The following GRM8 variants were observed in gnomAD, a reference collection of about 807,000 sequenced individuals.
GRM8 encodes glutamate metabotropic receptor 8.
A neutral mutation model predicts 87.2 loss-of-function variants in GRM8; 47 were observed. The ratio of observed to expected loss-of-function variants is 0.54; its 90% CI spans 0.43 to 0.69. The LOEUF is 0.69. GRM8 is among the 30% of genes least tolerant of loss of function. The probability of loss-of-function intolerance (pLI) is 0.00; values close to 1 mark genes in which losing one functional copy is unlikely to be tolerated. For synonymous variants in GRM8, 396 were observed against 404.5 expected, an observed-to-expected ratio of 0.98 and a Z score of 0.25; for missense variants, 1,019 against 1,139.2, an observed-to-expected ratio of 0.89 and a Z score of 1.52.
chr7:126,888,882 A>G (rs1039712524), intron 6 of GRM8, among the ~76,000 whole-genome samples: 4 of 152,246 alleles, frequency 2.6e-5, no homozygotes, highest in South Asian at 4.1e-4. Context: ...AAAATCTACA[A>G]TTCTAACCAT....
rs903609499 is a variant in GRM8, at chr7:126,627,641, C to A, written c.1358-18143G>T. On this transcript the variant is annotated intron_variant, in intron 7 of 10. Transcript: ENST00000339582. Reference sequence around the variant, plus strand: ...ATTTTTTTTAACTTTAAAAGAATGCCTCCCATATTCCCCAGTTAGTATCAT... The same window carrying A: ...ATTTTTTTTAACTTTAAAAGAATGCATCCCATATTCCCCAGTTAGTATCAT... Among the ~76,000 whole-genome samples the A allele has an allele frequency of 3.9e-5, 6 of 152,080 alleles. No individual in the cohort carries two copies. The East Asian group carries it at 1.2e-3, about 29-fold the overall frequency.
At position 126,685,376 on chromosome 7, in the gene GRM8, A is replaced by G. The variant is rs1808057351; in HGVS notation, c.1358-75878T>C. 6.6e-6 allele frequency among the ~76,000 whole-genome samples: 1 copy of G among 152,082 alleles called. No homozygotes were observed. Among genetic ancestry groups the G allele is most frequent in the African/African-American group, 2.4e-5 (1 of 41,428 alleles). On this transcript the variant is annotated intron_variant, in intron 7 of 10. Coordinates refer to ENST00000339582, the MANE Select transcript of GRM8 (RefSeq NM_000845.3). The surrounding 1 kb of genome is among the most constrained non-coding windows in gnomAD (Gnocchi z 4.2). Reference sequence around the variant, plus strand: ...CAGGGAGCCTGCAAGAGCCCTGGACAAGCGGGAGACCCACCCCCTCTGAGT... The same window carrying G: ...CAGGGAGCCTGCAAGAGCCCTGGACGAGCGGGAGACCCACCCCCTCTGAGT...
intron 7 of GRM8, among the ~76,000 whole-genome samples, chr7:126,693,487 T>C (rs1443547947): frequency 6.6e-6 from 1 of 152,212 alleles, no homozygotes; most frequent in Non-Finnish European, 1.5e-5. Flanking sequence ...TTGCAGTTTA[T>C]GTGTATTAGC....
At chr7:126,744,190 C>A (rs1815360373) in intron 7 of GRM8, among the ~76,000 whole-genome samples, 1 of 151,936 alleles carries the variant, frequency 6.6e-6, no homozygotes, top group Non-Finnish European at 1.5e-5. Flanking sequence ...GGTGGGGGAG[C>A]ATTTATATGA....
At chr7:126,795,810 T>C (rs1305020647) in intron 6 of GRM8, among the ~76,000 whole-genome samples, 1 of 151,786 alleles carries the variant, frequency 6.6e-6, no homozygotes, top group Non-Finnish European at 1.5e-5. Flanking sequence ...TTACTGGATG[T>C]ATGTTGCTGC....
chr7:127,091,377 C>T (rs1824052668), intron 3 of GRM8, among the ~76,000 whole-genome samples: 1 of 148,346 alleles, frequency 6.7e-6, no homozygotes, highest in Non-Finnish European at 1.5e-5. Context: ...GATCATCCTC[C>T]CATCCCACTG....
At chr7:126,483,052 G>A (rs1806889752) in intron 9 of GRM8, among the ~76,000 whole-genome samples, 2 of 148,340 alleles carry the variant, frequency 1.3e-5, no homozygotes, top group Admixed American at 6.8e-5. Flanking sequence ...ATATATATAT[G>A]TATATGTATA....
At chr7:126,793,712 T>A (rs1034595677) in intron 6 of GRM8, among the ~76,000 whole-genome samples, 1 of 152,158 alleles carries the variant, frequency 6.6e-6, no homozygotes, top group African/African-American at 2.4e-5. Flanking sequence ...TCCAATTGAG[T>A]AGCTAGTAAA....
intron 3 of GRM8, among the ~76,000 whole-genome samples, chr7:126,998,898 A>C (rs183953924): frequency 3.3e-5 from 5 of 152,034 alleles, no homozygotes. Context: ...ACAAAAGTAG[A>C]AAAAGTAATC....
chr7:127,077,834 TA>T (rs1347387017), intron 3 of GRM8, among the ~76,000 whole-genome samples: 1 of 152,262 alleles, frequency 6.6e-6, no homozygotes, highest in African/African-American at 2.4e-5. Context: ...CTTGTTCTAC[TA>T]CTTAGAAGTA....
At chr7:126,696,763 G>A (rs1281419401) in intron 7 of GRM8, among the ~76,000 whole-genome samples, 1 of 152,072 alleles carries the variant, frequency 6.6e-6, no homozygotes, top group African/African-American at 2.4e-5. Flanking sequence ...AAGAAAAGGA[G>A]GCTCAGATGG....
rs1287936125 is a variant in GRM8, at chr7:126,729,204, GC to G, written c.1357+40660del. 1.3e-4 allele frequency among the ~76,000 whole-genome samples: 20 copies of G among 152,232 alleles called. No individual in the cohort carries two copies. The East Asian group carries it at 3.7e-3, about 28-fold the overall frequency. ...ACCAATTGTAGCCCACATGATTGCTGCCCCACCCTCTCCTCAGTCACCATTC... is the reference window on the plus strand; with the variant it reads ...ACCAATTGTAGCCCACATGATTGCTGCCCACCCTCTCCTCAGTCACCATTC... On this transcript the variant is annotated intron_variant, in intron 7 of 10. Coordinates refer to ENST00000339582, the MANE Select transcript of GRM8 (RefSeq NM_000845.3).
intron 3 of GRM8, among the ~76,000 whole-genome samples, chr7:126,991,563 A>G (rs1812658513): frequency 6.6e-6 from 1 of 152,204 alleles, no homozygotes; most frequent in African/African-American, 2.4e-5. Context: ...CTTTTTAAAA[A>G]GGATTTGAGT....
At chr7:126,873,517 A>C (rs1295271290) in intron 6 of GRM8, among the ~76,000 whole-genome samples, 1 of 152,096 alleles carries the variant, frequency 6.6e-6, no homozygotes, top group Non-Finnish European at 1.5e-5. Context: ...TTCAGAGAGT[A>C]AAATAACTTC....
chr7:126,915,167 A>C (rs1803762778), intron 3 of GRM8, among the ~76,000 whole-genome samples: 1 of 152,124 alleles, frequency 6.6e-6, no homozygotes. Flanking sequence ...TCTCGTCTCT[A>C]GGGTCAGACT....
At chr7:126,617,723 T>C (rs1373249725) in intron 7 of GRM8, among the ~76,000 whole-genome samples, 2 of 152,198 alleles carry the variant, frequency 1.3e-5, no homozygotes, top group East Asian at 3.8e-4. Context: ...AGCATTCTTA[T>C]ACACCAATAA....
At chr7:127,106,422 A>G (rs1825806467) in intron 3 of GRM8, 74 bp downstream of exon 3, 1 of 1,155,314 alleles carries the variant, frequency 8.7e-7, no homozygotes, top group Non-Finnish European at 1.3e-6. Flanking sequence ...TACAGATAAG[A>G]GAGCACTTGG....
intron 6 of GRM8, chr7:126,870,032 G>T (rs988171934): frequency 2.0e-5 from 3 of 151,122 alleles, no homozygotes; most frequent in Non-Finnish European, 4.4e-5. Flanking sequence ...AATGCTCCTG[G>T]CTAGGTCTTC....
chr7:127,018,691 T>C (rs563332242), intron 3 of GRM8, among the ~76,000 whole-genome samples: 3 of 152,074 alleles, frequency 2.0e-5, no homozygotes, highest in African/African-American at 7.2e-5. Context: ...CTGCTAAGGA[T>C]TACCAGGAAG....
Sources: allele counts gnomAD v4.1 joint callset (sites outside exome capture counted in the v4.1 genomes callset), GRCh38; gene constraint gnomAD v4.1.1; non-coding constraint Gnocchi (gnomAD v3.1); transcripts MANE v1.5; gene names NCBI Gene and HGNC (gene_info 2026-07-23, HGNC 2026-07-21).